PDZD2: variants seen among roughly 807,000 people sequenced by gnomAD.
PDZD2 encodes the protein PDZ domain containing 2.
PDZD2 carries 90 observed loss-of-function variants against 220.7 expected under a neutral mutation model. The ratio of observed to expected loss-of-function variants is 0.41; its 90% CI spans 0.34 to 0.49. PDZD2 has a LOEUF of 0.49. Among genes scored for constraint, PDZD2 ranks in the 20% least tolerant of loss-of-function variants. PDZD2 has a pLI of 0.28. For synonymous variants in PDZD2, 1,375 were observed against 1,450.5 expected (o/e 0.95, Z 1.18); for missense variants, 3,174 against 3,608.5 (o/e 0.88, Z 3.08).
At chr5:31,820,640 T>C (rs1222749396) in intron 2 of PDZD2, 1 of 152,200 alleles carries the variant, frequency 6.6e-6, no homozygotes. Context: ...TTAAAATGCT[T>C]GTGATCTTGA....
At chr5:31,911,352 C>T (rs1483807234) in intron 2 of PDZD2, among the ~76,000 whole-genome samples, 1 of 152,206 alleles carries the variant, frequency 6.6e-6, no homozygotes, top group Non-Finnish European at 1.5e-5. Context: ...TTGTCCAGCA[C>T]AATACAGAGC....
Position 32,098,464 on chromosome 5 carries a change from C to G in PDZD2, c.8048C>G (p.Ala2683Gly). 1.2e-6 allele frequency: 2 copies of G among 1,614,134 alleles called. No individual in the cohort carries two copies. Among genetic ancestry groups the G allele is most frequent in the Non-Finnish European group, 1.7e-6 (2 of 1,180,006 alleles). The change falls in exon 23 of 25, where the codon GCC (alanine) becomes GGC (glycine). Residue 2683 changes from alanine to glycine, a missense_variant. Physicochemically the swap from Ala to Gly is moderately conservative, Grantham distance 60. Coordinates refer to ENST00000438447, the MANE Select transcript of PDZD2 (RefSeq NM_178140.4). This position sits in a 1 kb window ranked among gnomAD's most constrained non-coding sequence, Gnocchi z 4.1. ...AACGGCGCCTCACTGGCTGGCTTAGCCCACGGGAATGTCCTGAAGGTTCTG... is the reference window on the plus strand; with the variant it reads ...AACGGCGCCTCACTGGCTGGCTTAGGCCACGGGAATGTCCTGAAGGTTCTG... ...SVNGASLAGL[A>G]HGNVLKVLHQ...
At chr5:31,924,361 G>A (rs1417210404) in intron 2 of PDZD2, among the ~76,000 whole-genome samples, 2 of 152,318 alleles carry the variant, frequency 1.3e-5, no homozygotes, top group East Asian at 3.9e-4. Flanking sequence ...CTACTGTGAG[G>A]AGTAGCCCAC....
intron 1 of PDZD2, among the ~76,000 whole-genome samples, chr5:31,734,306 T>TTTG (rs1180760709): frequency 1.3e-5 from 2 of 151,924 alleles, no homozygotes; most frequent in South Asian, 2.1e-4. Context: ...ACCCTGTCAT[T>TTTG]TTGTTGTTGT....
chr5:31,862,166 C>T (rs983669814), intron 2 of PDZD2, among the ~76,000 whole-genome samples: 1 of 122,700 alleles, frequency 8.1e-6, no homozygotes, highest in South Asian at 2.7e-4. Context: ...AGTGCAGTGG[C>T]ACAATCTCAG....
chr5:32,034,377 GAC>G (rs1417041909), intron 6 of PDZD2, among the ~76,000 whole-genome samples: 3 of 75,112 alleles, frequency 4.0e-5, no homozygotes, highest in Non-Finnish European at 7.8e-5. Flanking sequence ...TTTTTTTTTT[GAC>G]ACAGAGTCTC....
intron 2 of PDZD2, among the ~76,000 whole-genome samples, chr5:31,916,205 T>G (rs1329361435): frequency 6.6e-6 from 1 of 152,266 alleles, no homozygotes; most frequent in Non-Finnish European, 1.5e-5. Context: ...TAGTCCATCC[T>G]GGAAGAAGGC....
chr5:31,696,632 TC>T (rs1175518720), intron 1 of PDZD2, among the ~76,000 whole-genome samples: 1 of 152,158 alleles, frequency 6.6e-6, no homozygotes. Flanking sequence ...AAAATACGCT[TC>T]ACAAGAGACT....
At chr5:31,662,699 A>G (rs561575857) in intron 1 of PDZD2, among the ~76,000 whole-genome samples, 64 of 152,208 alleles carry the variant, frequency 4.2e-4, no homozygotes, top group African/African-American at 1.3e-3. Context: ...GCGCAATCTC[A>G]GCTCACTGCA....
chr5:31,769,142 G>A (rs1752200457), intron 1 of PDZD2, among the ~76,000 whole-genome samples: 1 of 152,178 alleles, frequency 6.6e-6, no homozygotes, highest in Non-Finnish European at 1.5e-5. Context: ...AGCCCCACTG[G>A]GACACAGTGA....
chr5:32,093,499 C>A (rs757526454), intron 21 of PDZD2, among the ~76,000 whole-genome samples: 1 of 152,112 alleles, frequency 6.6e-6, no homozygotes, highest in South Asian at 2.1e-4. Flanking sequence ...CACTGACCTT[C>A]GAGCAGTGGA....
At chr5:31,893,226 C>T (rs1452172971) in intron 2 of PDZD2, among the ~76,000 whole-genome samples, 1 of 152,144 alleles carries the variant, frequency 6.6e-6, no homozygotes, top group Non-Finnish European at 1.5e-5. Flanking sequence ...TTGAGACCAT[C>T]CTGTCCCCAC....
chr5:31,849,926 A>AAG (rs1757857173), intron 2 of PDZD2, among the ~76,000 whole-genome samples: 1 of 24,090 alleles, frequency 4.2e-5, no homozygotes, highest in African/African-American at 2.6e-4. Context: ...ATACATATAT[A>AAG]TATATACACA....
At chr5:32,092,044 C>A (rs157498) in intron 20 of PDZD2, among the ~76,000 whole-genome samples, 29,263 of 152,052 alleles carry the variant, frequency 0.19, 3,367 homozygotes, top group South Asian at 0.48. Context: ...GAGGCTGAGC[C>A]GGGCAGATCA....
At chr5:31,854,540 G>A (rs980923488) in intron 2 of PDZD2, among the ~76,000 whole-genome samples, 6 of 152,196 alleles carry the variant, frequency 3.9e-5, no homozygotes, top group African/African-American at 1.4e-4. Context: ...AAGAACTCAG[G>A]CTGCCGCGGA....
At chr5:31,980,370 C>CT (rs937282161) in intron 2 of PDZD2, among the ~76,000 whole-genome samples, 9 of 152,094 alleles carry the variant, frequency 5.9e-5, no homozygotes, top group African/African-American at 1.9e-4. Context: ...TAATTTATTC[C>CT]TTTTTTACTG....
intron 1 of PDZD2, among the ~76,000 whole-genome samples, chr5:31,679,974 G>A (rs1746589413): frequency 6.6e-6 from 1 of 152,064 alleles, no homozygotes; most frequent in South Asian, 2.1e-4. Context: ...TCAAATCTTC[G>A]AACACCACAG....
intron 1 of PDZD2, among the ~76,000 whole-genome samples, chr5:31,673,035 G>A (rs1053220721): frequency 3.3e-5 from 5 of 152,196 alleles, no homozygotes; most frequent in Admixed American, 6.5e-5. Context: ...GAAGGTTTGA[G>A]ATACTACGGG....
chr5:32,091,234 T>C (rs1743124765), intron 20 of PDZD2, 59 bp downstream of exon 20: 1 of 1,359,280 alleles, frequency 7.4e-7, no homozygotes, highest in Non-Finnish European at 9.9e-7. Context: ...GGAATAGTTT[T>C]AGATTTATAG....
Sources: allele counts gnomAD v4.1 joint callset (sites outside exome capture counted in the v4.1 genomes callset), GRCh38; gene constraint gnomAD v4.1.1; non-coding constraint Gnocchi (gnomAD v3.1); transcripts MANE v1.5; gene names NCBI Gene and HGNC (gene_info 2026-07-23, HGNC 2026-07-21).